XKR4: variants seen among roughly 807,000 people sequenced by gnomAD.
XKR4 encodes XK-related protein 4.
A neutral mutation model predicts 53.9 loss-of-function variants in XKR4; 12 were observed. The ratio of observed to expected loss-of-function variants is 0.22; its 90% CI spans 0.14 to 0.36. XKR4 has a LOEUF of 0.36. Ranked by LOEUF, XKR4 falls within the 10% of genes least tolerant of loss-of-function variation. The pLI, the probability that XKR4 is intolerant of heterozygous loss-of-function variation, is 1.00. For synonymous variants in XKR4, 354 were observed against 362.4 expected (o/e 0.98, Z 0.26); for missense variants, 799 against 859.5 (o/e 0.93, Z 0.88).
intron 2 of XKR4, among the ~76,000 whole-genome samples, chr8:55,514,673 AAAAC>A (rs1441571291): frequency 1.3e-5 from 2 of 152,304 alleles, no homozygotes; most frequent in African/African-American, 2.4e-5. Context: ...AAGCAACAAA[AAAAC>A]AAACAAAAAA....
chr8:55,458,944 AG>A (rs1362295237), intron 2 of XKR4, among the ~76,000 whole-genome samples: 1 of 152,144 alleles, frequency 6.6e-6, no homozygotes, highest in Non-Finnish European at 1.5e-5. Flanking sequence ...TCCAGGCTTG[AG>A]GGGGAGACCT....
At chr8:55,350,738 C>CT (rs1028164969) in intron 1 of XKR4, among the ~76,000 whole-genome samples, 2,929 of 122,386 alleles carry the variant, frequency 0.024, 66 homozygotes, top group Middle Eastern at 0.036. Flanking sequence ...TTTTTCTTTT[C>CT]TTTTTTTTTT....
chr8:55,347,491 T>A (rs770751476), intron 1 of XKR4, among the ~76,000 whole-genome samples: 14 of 152,166 alleles, frequency 9.2e-5, no homozygotes, highest in Non-Finnish European at 1.9e-4. Context: ...GTGGATAAAG[T>A]CAGTGCAGAA....
At chr8:55,512,976 T>A (rs1806651905) in intron 2 of XKR4, among the ~76,000 whole-genome samples, 1 of 152,148 alleles carries the variant, frequency 6.6e-6, no homozygotes, top group South Asian at 2.1e-4. Context: ...CCTTGTGTGA[T>A]CATGAACATC....
chr8:55,300,986 T>A (rs1819185338), intron 1 of XKR4, among the ~76,000 whole-genome samples: 1 of 152,066 alleles, frequency 6.6e-6, no homozygotes, highest in Non-Finnish European at 1.5e-5. Context: ...ACACTTTATT[T>A]TTTTATTTAT....
intron 2 of XKR4, among the ~76,000 whole-genome samples, chr8:55,465,605 G>A (rs374512942): frequency 7.3e-5 from 11 of 151,394 alleles, no homozygotes; most frequent in Non-Finnish European, 1.2e-4. Flanking sequence ...AACACCAAAA[G>A]CAATGGCAAC....
At chr8:55,273,181 T>C (rs545147006) in intron 1 of XKR4, among the ~76,000 whole-genome samples, 1 of 146,180 alleles carries the variant, frequency 6.8e-6, no homozygotes, top group Non-Finnish European at 1.5e-5. Flanking sequence ...TGTGTGTGTG[T>C]GTATGTTGCT....
At chr8:55,134,548 A>G (rs1199000402) in intron 1 of XKR4, among the ~76,000 whole-genome samples, 6 of 152,230 alleles carry the variant, frequency 3.9e-5, no homozygotes, top group Non-Finnish European at 8.8e-5. Flanking sequence ...CCAGCATGGC[A>G]ATGAGCTCCA....
rs895394529 is a variant in XKR4 at position 55,475,256 on chromosome 8, C to T, written c.1007-48025C>T. ...GAGCAATGTTAGGTAGAATAATAGC[C>T]GCACTATATGTGATGGCCCAGGGTT... On this transcript the variant is annotated intron_variant, in intron 2 of 2. Transcript: ENST00000327381. Among the ~76,000 whole-genome samples the T allele has an allele frequency of 2.6e-5, 4 of 152,144 alleles. 1 individual carries two copies. Among genetic ancestry groups the T allele is most frequent in the Non-Finnish European group, 2.9e-5 (2 of 68,022 alleles).
chr8:55,433,990 C>T (rs568040540), intron 2 of XKR4, among the ~76,000 whole-genome samples: 1 of 152,288 alleles, frequency 6.6e-6, no homozygotes, highest in South Asian at 2.1e-4. Context: ...GCTGTGATCA[C>T]ACCACTGCAC....
At chr8:55,151,084 G>A (rs1816834145) in intron 1 of XKR4, among the ~76,000 whole-genome samples, 1 of 152,132 alleles carries the variant, frequency 6.6e-6, no homozygotes. Context: ...AGTACTTTTT[G>A]TCAGTGTAAG....
chr8:55,307,666 G>A (rs951903644), intron 1 of XKR4, among the ~76,000 whole-genome samples: 2 of 151,958 alleles, frequency 1.3e-5, no homozygotes, highest in African/African-American at 4.8e-5. Flanking sequence ...AGAAAAAAGA[G>A]AATCTATAGA....
At chr8:55,192,514 A>G (rs928415827) in intron 1 of XKR4, among the ~76,000 whole-genome samples, 4 of 152,130 alleles carry the variant, frequency 2.6e-5, no homozygotes, top group African/African-American at 4.8e-5. Flanking sequence ...AGAAAGTCCA[A>G]CTTTTTCCGT....
At chr8:55,142,172 T>C (rs1220391347) in intron 1 of XKR4, 2 of 456,018 alleles carry the variant, frequency 4.4e-6, no homozygotes, top group Non-Finnish European at 8.8e-6. Context: ...GCTGCTCTCC[T>C]GAGCGCTTTG....
chr8:55,141,045 A>T (rs1270571392), intron 1 of XKR4, among the ~76,000 whole-genome samples: 2 of 152,110 alleles, frequency 1.3e-5, no homozygotes, highest in Non-Finnish European at 2.9e-5. Context: ...GCGTGTGAAA[A>T]CATCACCACA....
At chr8:55,398,536 A>T (rs2658903) in intron 2 of XKR4, among the ~76,000 whole-genome samples, 2 of 151,986 alleles carry the variant, frequency 1.3e-5, no homozygotes, top group Non-Finnish European at 2.9e-5. Flanking sequence ...AAGGAGGATG[A>T]GTTCCTCCAC....
intron 2 of XKR4, among the ~76,000 whole-genome samples, chr8:55,368,751 A>G (rs1460018032): frequency 4.6e-5 from 7 of 152,202 alleles, no homozygotes; most frequent in Admixed American, 1.3e-4. Flanking sequence ...AAGGCACTCA[A>G]AAGTCCTCTG....
intron 1 of XKR4, among the ~76,000 whole-genome samples, chr8:55,242,627 C>T (rs1008447505): frequency 6.6e-6 from 1 of 152,104 alleles, no homozygotes; most frequent in Non-Finnish European, 1.5e-5. Context: ...AAAATGGCAT[C>T]GATTAAAAAA....
chr8:55,464,721 G>C (rs555748244), intron 2 of XKR4, among the ~76,000 whole-genome samples: 10 of 152,090 alleles, frequency 6.6e-5, no homozygotes. Context: ...TGACATGATT[G>C]TATATTTAGA....
Sources: allele counts gnomAD v4.1 joint callset (sites outside exome capture counted in the v4.1 genomes callset), GRCh38; gene constraint gnomAD v4.1.1; transcripts MANE v1.5; gene names NCBI Gene and HGNC (gene_info 2026-07-23, HGNC 2026-07-21).